STRN4: variants seen among roughly 807,000 people sequenced by gnomAD.
STRN4 encodes the protein striatin 4, also known as striatin-4.
Under a neutral mutation model 77.9 loss-of-function variants are expected in STRN4, and 27 were observed. That is an observed-to-expected ratio of 0.35 (90% CI 0.26 to 0.48). The LOEUF is 0.48. Among genes scored for constraint, STRN4 ranks in the 20% least tolerant of loss-of-function variants. The probability of loss-of-function intolerance (pLI) is 0.99; values close to 1 mark genes in which losing one functional copy is unlikely to be tolerated. For synonymous variants in STRN4, 466 were observed against 443.1 expected, an observed-to-expected ratio of 1.05 and a Z score of -0.65; for missense variants, 798 against 1,049.7, an observed-to-expected ratio of 0.76 and a Z score of 3.31.
At chr19:46,721,953 C>G in intron 16 of STRN4, 33 bp downstream of exon 16, 1 of 1,611,750 alleles carries the variant, frequency 6.2e-7, no homozygotes, top group African/African-American at 1.3e-5. Flanking sequence ...CCCCTTCTCC[C>G]CAACCCTGGT....
chr19:46,743,185 G>A (rs1169368306), intron 1 of STRN4, among the ~76,000 whole-genome samples: 2 of 152,182 alleles, frequency 1.3e-5, no homozygotes, highest in East Asian at 1.9e-4. Context: ...CAGGAGAGAA[G>A]AGCAGGAAAG....
intron 7 of STRN4, 67 bp from the exon 8 acceptor site, chr19:46,728,074 C>T: frequency 7.1e-7 from 1 of 1,408,894 alleles, no homozygotes. Context: ...TAGGTGACGC[C>T]TTCCCCACAC....
At chr19:46,724,041 A>G (rs1351484117) in intron 12 of STRN4, among the ~76,000 whole-genome samples, 1 of 152,050 alleles carries the variant, frequency 6.6e-6, no homozygotes, top group Non-Finnish European at 1.5e-5. Flanking sequence ...TGAGGTCCGG[A>G]GTTCAAGACC....
At chr19:46,725,792 A>C (rs2122246391) in intron 9 of STRN4, 144 bp from the exon 10 acceptor site, 1 of 1,040,118 alleles carries the variant, frequency 9.6e-7, no homozygotes, top group Non-Finnish European at 1.4e-6. Context: ...CCAGCCGGGA[A>C]CTCTCCCCTT....
chr19:46,745,287 C>G (rs564148074), intron 1 of STRN4, among the ~76,000 whole-genome samples: 10 of 152,254 alleles, frequency 6.6e-5, no homozygotes, highest in African/African-American at 2.4e-4. Flanking sequence ...AGTGGAACTT[C>G]CACTCTTAAG....
chr19:46,727,627 G>C lies in STRN4; in HGVS notation c.1154-81C>G, dbSNP rs141730799. Reference sequence around the variant, plus strand: ...CCAGGGAGAGAGAGAATGACAGAGAGAGGCAGAGAAAGAGATAAAGAGCAA... The same window carrying C: ...CCAGGGAGAGAGAGAATGACAGAGACAGGCAGAGAAAGAGATAAAGAGCAA... On this transcript the variant is annotated intron_variant, in intron 8 of 17. Coordinates refer to ENST00000263280, the MANE Select transcript of STRN4 (RefSeq NM_013403.3). 23 of 1,189,980 alleles carry C rather than the reference G, an allele frequency of 1.9e-5. No homozygotes were observed. Among genetic ancestry groups the C allele is most frequent in the East Asian group, 2.4e-5 (1 of 41,280 alleles). 73.7% of individuals were successfully genotyped at this position (1,189,980 alleles called of 1,614,324 possible).
intron 4 of STRN4, chr19:46,736,504 TAA>T (rs34081190): frequency 0.67 from 63,280 of 95,002 alleles, 20,142 homozygotes; most frequent in African/African-American, 0.8. Flanking sequence ...ACAAGGTATC[TAA>T]AAAAAAAAAA....
At chr19:46,731,105 T>G (rs1250158297) in intron 5 of STRN4, among the ~76,000 whole-genome samples, 3 of 152,166 alleles carry the variant, frequency 2.0e-5, no homozygotes, top group Non-Finnish European at 2.9e-5. Context: ...AGCTCCTCAA[T>G]GACCGCCGAC....
rs1381837595 is a variant in STRN4, at chr19:46,741,549, T to C, written c.283-2661A>G. ...GCAAACGCCAGCAGCCCCCACGGGCTGTCTGGTCTGCGAGGGCCAAGGTAG... is the reference window on the plus strand; with the variant it reads ...GCAAACGCCAGCAGCCCCCACGGGCCGTCTGGTCTGCGAGGGCCAAGGTAG... On this transcript the variant is annotated intron_variant, in intron 1 of 17. Coordinates refer to ENST00000263280, the MANE Select transcript of STRN4 (RefSeq NM_013403.3). The surrounding 1 kb of genome is among the most constrained non-coding windows in gnomAD (Gnocchi z 4.9). Among the ~76,000 whole-genome samples the C allele has an allele frequency of 6.6e-6, 1 of 152,182 alleles. No homozygotes were observed. The highest frequency in any genetic ancestry group is 1.5e-5 in the Non-Finnish European group (1 of 68,026).
rs1232011018 is a variant in STRN4, at chr19:46,728,631, G to A, written c.1026C>T (p.Ser342=). The A allele has an allele frequency of 9.3e-6, 15 of 1,613,190 alleles. No homozygotes were observed. Among genetic ancestry groups the A allele is most frequent in the Non-Finnish European group, 1.1e-5 (13 of 1,179,578 alleles). The change falls in exon 7 of 18, where the codon AGC becomes AGT. Residue 342 remains serine (S), a synonymous_variant. Coordinates refer to ENST00000263280, the MANE Select transcript of STRN4 (RefSeq NM_013403.3). ...PDPRRCTVDG[S]PHELESRRVK... Reference sequence around the variant, plus strand: ...ACGTCAGCTCACCCAGCTCATGGGGGCTCCCATCCACAGTGCACCGCCGAG... The same window carrying A: ...ACGTCAGCTCACCCAGCTCATGGGGACTCCCATCCACAGTGCACCGCCGAG...
At chr19:46,720,895 A>T in intron 16 of STRN4, 124 bp from the exon 17 acceptor site, 1 of 1,169,140 alleles carries the variant, frequency 8.6e-7, no homozygotes, top group East Asian at 3.0e-5. Context: ...CTCCTCTCTC[A>T]CCCTCTGCTC....
intron 1 of STRN4, among the ~76,000 whole-genome samples, chr19:46,743,761 G>A (rs1375996800): frequency 2.0e-5 from 3 of 152,028 alleles, no homozygotes; most frequent in East Asian, 1.9e-4. Context: ...TCAGCCAGGC[G>A]TGGTGGTGGT....
chr19:46,728,741 C>G lies in STRN4; in HGVS notation c.916G>C (p.Glu306Gln). The G allele has an allele frequency of 1.2e-6, 2 of 1,614,204 alleles. No individual in the cohort carries two copies. The highest frequency in any genetic ancestry group is 1.7e-6 in the Non-Finnish European group (2 of 1,180,006). The change falls in exon 7 of 18, where the codon GAG becomes CAG. Residue 306 changes from glutamate to glutamine, a missense_variant. This residue lies in a region of STRN4 where 511 missense variants were observed against 575.9 expected (regional missense o/e 0.89). Coordinates refer to ENST00000263280, the MANE Select transcript of STRN4 (RefSeq NM_013403.3). ...TCCTCAGAGTCGTCTTCCTCATCCTCGTCTTCCATTTCGGGCACCAGAGCC... is the reference window on the plus strand; with the variant it reads ...TCCTCAGAGTCGTCTTCCTCATCCTGGTCTTCCATTTCGGGCACCAGAGCC... ...SKALVPEMED[E>Q]DEEDDSEDAI... is the part of the protein sequence containing the mutation.
chr19:46,730,928 A>G, intron 5 of STRN4, 55 bp from the exon 6 acceptor site: 1 of 1,594,886 alleles, frequency 6.3e-7, no homozygotes, highest in Middle Eastern at 1.7e-4. Flanking sequence ...GTCAAAGCTC[A>G]GATAGGAAGG....
At position 46,725,658 on chromosome 19, in the gene STRN4, G is replaced by C. The variant is rs761983543; in HGVS notation, c.1249-10C>G. 3.1e-6 allele frequency: 5 copies of C among 1,612,668 alleles called. No individual in the cohort carries two copies. In the African/African-American group the frequency reaches 4.0e-5, roughly 13 times the overall value. ...CTTTGCTGTCAGACAGCTGGGGTTG[G>C]GGGGAGCTGCCTCAGTGTCTTCGCA... On this transcript the variant is annotated splice_polypyrimidine_tract_variant and intron_variant, in intron 9 of 17. Coordinates refer to ENST00000263280, the MANE Select transcript of STRN4 (RefSeq NM_013403.3).
chr19:46,736,862 C>CT lies in STRN4; in HGVS notation c.499dup (p.Ser167LysfsTer51). On this transcript the variant is annotated frameshift_variant, in exon 4 of 18. Transcript: ENST00000263280. LOFTEE classifies it high-confidence loss of function. Reference sequence around the variant, plus strand: ...CCGCCCCTCCTTCCACACCAACGGGCTGTTCTCCAGGGTGACCGATTCCAC... The same window carrying CT: ...CCGCCCCTCCTTCCACACCAACGGGCTTGTTCTCCAGGGTGACCGATTCCAC... 1 of 1,613,442 alleles carries CT rather than the reference C, an allele frequency of 6.2e-7. No homozygotes were observed. The highest frequency in any genetic ancestry group is 1.3e-5 in the African/African-American group (1 of 75,028).
rs575020599 is a variant in STRN4, at chr19:46,731,319, C to T, written c.738-446G>A. 1.4e-4 allele frequency: 24 copies of T among 167,078 alleles called. No individual in the cohort carries two copies. In the South Asian group the frequency reaches 3.2e-3, roughly 22 times the overall value. 10.3% of individuals were successfully genotyped at this position (167,078 alleles called of 1,614,324 possible). A position where few individuals can be genotyped will look rare whatever the true frequency, so the allele number is the denominator to read the frequency against. On this transcript the variant is annotated intron_variant, in intron 5 of 17. Transcript: ENST00000263280. The stretch of plus-strand genomic sequence containing the variant: ...GCCATTCTACAAATGCTCTGGGAGG[C>T]GCCGAAAGCCAGCCAGCCTCGCGCA...
Position 46,720,673 on chromosome 19 carries a change from C to T in STRN4, c.2191G>A (p.Val731Ile). The change falls in exon 17 of 18, where the codon GTT becomes ATT. Residue 731 changes from valine to isoleucine, a missense_variant. Physicochemically the swap from Val to Ile is conservative, Grantham distance 29. This residue lies in a region of STRN4 where 287 missense variants were observed against 473.8 expected (regional missense o/e 0.61). Transcript: ENST00000263280. The part of the protein sequence containing the change: ...RKKHEEAIHA[V>I]ACHPSKALIA... ...AGGGCCTTGCTGGGGTGGCAGGCAA[C>T]AGCGTGGATGGCCTCCTCGTGCTTC... 1 of 1,610,940 alleles carries T rather than the reference C, an allele frequency of 6.2e-7. No homozygotes were observed. The highest frequency in any genetic ancestry group is 1.7e-4 in the Middle Eastern group (1 of 6,050).
Position 46,733,241 on chromosome 19 carries a change from A to G in STRN4, c.540-5T>C. Reference sequence around the variant, plus strand: ...TAGCCCACCTCTTCCAGGTACCTGCAGGGGTGCAGAGCCACGTGGGTCAGA... The same window carrying G: ...TAGCCCACCTCTTCCAGGTACCTGCGGGGGTGCAGAGCCACGTGGGTCAGA... On this transcript the variant is annotated splice_polypyrimidine_tract_variant and splice_region_variant and intron_variant, in intron 4 of 17. Transcript: ENST00000263280. The surrounding 1 kb of genome is among the most constrained non-coding windows in gnomAD (Gnocchi z 4.3). The G allele has an allele frequency of 2.5e-6, 4 of 1,608,488 alleles. No homozygotes were observed. Among genetic ancestry groups the G allele is most frequent in the Non-Finnish European group, 3.4e-6 (4 of 1,179,656 alleles).
Sources: gnomAD v4.1 joint callset for allele counts (sites outside exome capture counted in the v4.1 genomes callset) on GRCh38, gnomAD v4.1.1 for gene constraint, gnomAD v4.1.1 regional missense constraint, Gnocchi (gnomAD v3.1) non-coding constraint, MANE v1.5 for transcripts, NCBI Gene and HGNC (gene_info 2026-07-23, HGNC 2026-07-21) for gene names.